Variants in LEF1 observed in about 807,000 individuals in gnomAD.
LEF1 encodes lymphoid enhancer-binding factor 1.
Under a neutral mutation model 51.2 loss-of-function variants are expected in LEF1, and 14 were observed. The ratio of observed to expected loss-of-function variants is 0.27; its 90% CI spans 0.18 to 0.43. The LOEUF is 0.43. Ranked by LOEUF, LEF1 falls within the 20% of genes least tolerant of loss-of-function variation. LEF1 has a pLI of 1.00. For missense variants in LEF1, 386 were observed against 512.0 expected, an observed-to-expected ratio of 0.75 and a Z score of 2.37; for synonymous variants, 185 against 183.2, an observed-to-expected ratio of 1.01 and a Z score of -0.08.
chr4:108,138,201 T>C (rs144599140), intron 3 of LEF1, among the ~76,000 whole-genome samples: 41 of 152,266 alleles, frequency 2.7e-4, no homozygotes, highest in African/African-American at 9.1e-4. Context: ...CAAATATGTA[T>C]AAAATAAATA....
intron 3 of LEF1, among the ~76,000 whole-genome samples, chr4:108,094,441 C>A (rs1740248591): frequency 6.6e-6 from 1 of 152,208 alleles, no homozygotes; most frequent in Non-Finnish European, 1.5e-5. Context: ...CTGAGAGCCA[C>A]CCCCAAAGCA....
chr4:108,071,990 C>T (rs1442186791), intron 8 of LEF1: 7 of 152,228 alleles, frequency 4.6e-5, no homozygotes, highest in African/African-American at 7.2e-5. Context: ...CTTTTGTACC[C>T]GCATGTGCTC....
chr4:108,107,750 G>GA lies in LEF1; in HGVS notation c.415-18494dup, dbSNP rs201702639. Among the ~76,000 whole-genome samples, 566 of 152,144 alleles carry GA rather than the reference G, an allele frequency of 3.7e-3. 15 individuals are homozygous for GA. The highest frequency in any genetic ancestry group is 0.033 in the Admixed American group (504 of 15,268). ...GATGTTATGTCCTTTGACTATCATG[G>GA]AGTCTAACAGTCCAATTTCACTCTT... is the stretch of plus-strand genomic sequence containing the variant. On this transcript the variant is annotated intron_variant, in intron 3 of 11. Transcript: ENST00000265165.
intron 3 of LEF1, among the ~76,000 whole-genome samples, chr4:108,089,822 A>G (rs1422773785): frequency 6.6e-6 from 1 of 152,196 alleles, no homozygotes; most frequent in East Asian, 1.9e-4. Flanking sequence ...TTTAAGAACC[A>G]TGGTACACCA....
At chr4:108,102,268 TCATTA>T (rs1398231035) in intron 3 of LEF1, among the ~76,000 whole-genome samples, 2 of 152,178 alleles carry the variant, frequency 1.3e-5, no homozygotes, top group African/African-American at 2.4e-5. Flanking sequence ...GAGCATTCTG[TCATTA>T]CATTACTTCA....
chr4:108,063,511 C>T (rs1737839867), intron 11 of LEF1, 112 bp downstream of exon 11: 1 of 820,174 alleles, frequency 1.2e-6, no homozygotes, highest in African/African-American at 1.8e-5. Flanking sequence ...GCTGAGTTCT[C>T]CTCTTTAAGG....
intron 9 of LEF1, among the ~76,000 whole-genome samples, chr4:108,066,980 T>A (rs1738123703): frequency 6.6e-6 from 1 of 152,232 alleles, no homozygotes; most frequent in African/African-American, 2.4e-5. Flanking sequence ...TTTCACACGA[T>A]CTCACTGAGG....
At chr4:108,154,684 A>C (rs916126394) in intron 3 of LEF1, among the ~76,000 whole-genome samples, 3 of 152,150 alleles carry the variant, frequency 2.0e-5, no homozygotes, top group African/African-American at 7.2e-5. Context: ...TAAGATGCCA[A>C]AACAAAGTCT....
intron 3 of LEF1, among the ~76,000 whole-genome samples, chr4:108,125,652 A>G (rs1219275207): frequency 1.3e-5 from 2 of 152,246 alleles, no homozygotes; most frequent in South Asian, 2.1e-4. Flanking sequence ...ATGATATTAC[A>G]GGGATTTTTA....
intron 3 of LEF1, among the ~76,000 whole-genome samples, chr4:108,101,937 G>A (rs1301139367): frequency 1.3e-5 from 2 of 151,994 alleles, no homozygotes; most frequent in Non-Finnish European, 2.9e-5. Context: ...GCATGCGCCT[G>A]TAGTCCCAGC....
At chr4:108,140,573 G>A (rs1289118038) in intron 3 of LEF1, among the ~76,000 whole-genome samples, 3 of 152,044 alleles carry the variant, frequency 2.0e-5, no homozygotes, top group African/African-American at 7.2e-5. Context: ...CCCAGGCCTG[G>A]GTATCAAACT....
chr4:108,068,932 T>C (rs6834963), intron 9 of LEF1, among the ~76,000 whole-genome samples: 128,693 of 152,140 alleles, frequency 0.85, 55,587 homozygotes, highest in East Asian at 0.97. Flanking sequence ...TTCTAATGCT[T>C]GTCTCACGTA....
intron 3 of LEF1, among the ~76,000 whole-genome samples, chr4:108,134,260 A>G (rs754004424): frequency 2.0e-5 from 3 of 152,142 alleles, no homozygotes; most frequent in Non-Finnish European, 4.4e-5. Flanking sequence ...CAGTGAATAC[A>G]CAAGTAAGTC....
intron 3 of LEF1, among the ~76,000 whole-genome samples, chr4:108,110,370 C>A (rs935479805): frequency 4.6e-5 from 7 of 152,304 alleles, no homozygotes; most frequent in Admixed American, 3.9e-4. Context: ...ACTATCTCTA[C>A]AACTTAATAG....
chr4:108,167,918 G>T lies in LEF1; in HGVS notation c.-151C>A. 2.1e-6 allele frequency: 1 copy of T among 474,234 alleles called. No individual in the cohort carries two copies. The highest frequency in any genetic ancestry group is 3.3e-6 in the Non-Finnish European group (1 of 299,422). The allele number at this position is 474,234 out of a possible 1,614,324, so 29.4% of individuals were successfully genotyped here. A position where few individuals can be genotyped will look rare whatever the true frequency, so the allele number is the denominator to read the frequency against. ...GCGGAAGCGGGGCGGGCGAGCGCGG[G>T]GCCGCCGGCCGGCAGCCGGAGCAGC... is the stretch of plus-strand genomic sequence containing the variant. On this transcript the variant is annotated 5_prime_UTR_variant, in exon 1 of 12. Transcript: ENST00000265165. The surrounding 1 kb of genome is among the most constrained non-coding windows in gnomAD (Gnocchi z 5.7).
chr4:108,120,001 G>A (rs774534020), intron 3 of LEF1, among the ~76,000 whole-genome samples: 11,910 of 53,804 alleles, frequency 0.22, 1,430 homozygotes, highest in African/African-American at 0.37. Flanking sequence ...ATATGTGTGT[G>A]TGTGTGTGTG....
At chr4:108,124,769 C>T (rs964494401) in intron 3 of LEF1, among the ~76,000 whole-genome samples, 7 of 152,202 alleles carry the variant, frequency 4.6e-5, no homozygotes, top group Non-Finnish European at 1.0e-4. Flanking sequence ...TATGAAAACA[C>T]TTTAAGATTG....
intron 3 of LEF1, among the ~76,000 whole-genome samples, chr4:108,103,841 T>C (rs982138771): frequency 3.9e-5 from 6 of 152,202 alleles, no homozygotes; most frequent in Non-Finnish European, 5.9e-5. Context: ...TTTAAAGATA[T>C]TCAAAAGAAA....
At chr4:108,075,584 T>C (rs534557169) in intron 8 of LEF1, 1 of 152,334 alleles carries the variant, frequency 6.6e-6, no homozygotes, top group South Asian at 2.1e-4. Context: ...ATTATAATGA[T>C]AACGTGACTA....
Sources: gnomAD v4.1 joint callset for allele counts (sites outside exome capture counted in the v4.1 genomes callset) on GRCh38, gnomAD v4.1.1 for gene constraint, Gnocchi (gnomAD v3.1) non-coding constraint, MANE v1.5 for transcripts, NCBI Gene and HGNC (gene_info 2026-07-23, HGNC 2026-07-21) for gene names.